GRM7: variants seen among roughly 807,000 people sequenced by gnomAD.
The protein encoded by GRM7 is metabotropic glutamate receptor 7.
Under a neutral mutation model 84.5 loss-of-function variants are expected in GRM7, and 35 were observed. That is an observed-to-expected ratio of 0.41 (90% confidence interval 0.32 to 0.55). The LOEUF (loss-of-function observed/expected upper bound fraction) is 0.55, where lower values mean the gene tolerates loss of function less well. GRM7 is among the 20% of genes least tolerant of loss of function. The pLI, the probability that GRM7 is intolerant of heterozygous loss-of-function variation, is 0.19. For synonymous variants in GRM7, 487 were observed against 455.1 expected (o/e 1.07, Z -0.89); for missense variants, 1,003 against 1,194.6 (o/e 0.84, Z 2.36).
intron 7 of GRM7, among the ~76,000 whole-genome samples, chr3:7,523,952 T>C (rs1700695028): frequency 6.6e-6 from 1 of 152,102 alleles, no homozygotes; most frequent in African/African-American, 2.4e-5. Context: ...TTAATGCTTT[T>C]TCAAGGTAAT....
chr3:7,097,009 TA>T (rs1240422854), intron 1 of GRM7, among the ~76,000 whole-genome samples: 5 of 152,166 alleles, frequency 3.3e-5, no homozygotes, highest in Non-Finnish European at 5.9e-5. Context: ...AGCTGATTAA[TA>T]ATAAACACAA....
At chr3:7,510,288 A>G (rs76161207) in intron 7 of GRM7, among the ~76,000 whole-genome samples, 12,692 of 152,154 alleles carry the variant, frequency 0.083, 724 homozygotes, top group South Asian at 0.12. Context: ...TCCCCAGAGA[A>G]CATTCTGTAT....
At chr3:7,358,257 T>C (rs1693496014) in intron 4 of GRM7, among the ~76,000 whole-genome samples, 1 of 152,066 alleles carries the variant, frequency 6.6e-6, no homozygotes, top group Admixed American at 6.6e-5. Flanking sequence ...GTCCAAGTTA[T>C]GGTAAGGCAA....
chr3:7,402,577 C>T (rs1168337767), intron 4 of GRM7, among the ~76,000 whole-genome samples: 1 of 152,104 alleles, frequency 6.6e-6, no homozygotes, highest in Admixed American at 6.6e-5. Flanking sequence ...AAATAACATA[C>T]ATCAAAATAG....
At chr3:7,474,334 AT>A (rs1453112238) in intron 7 of GRM7, among the ~76,000 whole-genome samples, 2 of 151,946 alleles carry the variant, frequency 1.3e-5, no homozygotes, top group African/African-American at 4.8e-5. Context: ...CCCCTACCCT[AT>A]ACCCTGTCCT....
intron 4 of GRM7, among the ~76,000 whole-genome samples, chr3:7,336,868 C>A (rs760909836): frequency 2.0e-5 from 3 of 151,756 alleles, no homozygotes; most frequent in Non-Finnish European, 4.4e-5. Context: ...AGGAAAACTA[C>A]AAAACACTGC....
rs550323701 is a variant in GRM7 at position 7,261,974 on chromosome 3, C to A, written c.737-36710C>A. On this transcript the variant is annotated intron_variant, in intron 2 of 9. Coordinates refer to ENST00000357716, the MANE Select transcript of GRM7 (RefSeq NM_000844.4). The stretch of plus-strand genomic sequence containing the variant: ...TCTTTGTTTTCTTTCTTCTTTCTTT[C>A]GTTCTTTCCTGAATATAGGCCCCCA... Among the ~76,000 whole-genome samples the A allele has an allele frequency of 4.4e-5, 4 of 90,608 alleles. No homozygotes were observed. The East Asian group carries it at 1.5e-3, about 33-fold the overall frequency. 59.4% of individuals were successfully genotyped at this position (90,608 alleles called of 152,430 possible). A position where few individuals can be genotyped will look rare whatever the true frequency, so the allele number is the denominator to read the frequency against.
chr3:6,877,284 A>G (rs1695344370), intron 1 of GRM7, among the ~76,000 whole-genome samples: 1 of 152,162 alleles, frequency 6.6e-6, no homozygotes. Flanking sequence ...CCACAGTGTC[A>G]AAACCAAGAC....
intron 8 of GRM7, among the ~76,000 whole-genome samples, chr3:7,633,893 C>T (rs946532928): frequency 1.3e-5 from 2 of 152,106 alleles, no homozygotes; most frequent in South Asian, 2.1e-4. Context: ...TTTTCTTAAC[C>T]TTGACCTTGG....
At chr3:7,211,865 C>G (rs77692438) in intron 2 of GRM7, among the ~76,000 whole-genome samples, 1,887 of 152,118 alleles carry the variant, frequency 0.012, 43 homozygotes, top group African/African-American at 0.043. Flanking sequence ...TCTCAGCCAC[C>G]TTCATTAAAA....
intron 1 of GRM7, among the ~76,000 whole-genome samples, chr3:6,949,134 C>A (rs1258473729): frequency 6.6e-6 from 1 of 152,136 alleles, no homozygotes; most frequent in African/African-American, 2.4e-5. Context: ...TTAGTTGATG[C>A]AGTTTATTCC....
At chr3:7,302,991 AG>A (rs199740995) in intron 3 of GRM7, among the ~76,000 whole-genome samples, 4,913 of 138,786 alleles carry the variant, frequency 0.035, 272 homozygotes, top group African/African-American at 0.13. Context: ...CCCAGGCTGG[AG>A]TGCAGTGGCG....
chr3:7,383,580 A>G (rs988665153), intron 4 of GRM7, among the ~76,000 whole-genome samples: 5 of 152,214 alleles, frequency 3.3e-5, no homozygotes, highest in African/African-American at 1.2e-4. Flanking sequence ...GATGCCCTAA[A>G]GACTAACAAA....
intron 4 of GRM7, among the ~76,000 whole-genome samples, chr3:7,397,888 G>A (rs1005237951): frequency 6.6e-6 from 1 of 152,048 alleles, no homozygotes; most frequent in African/African-American, 2.4e-5. Flanking sequence ...CCCCAGAACA[G>A]AGTTTTCTGG....
intron 4 of GRM7, among the ~76,000 whole-genome samples, chr3:7,320,875 C>A (rs1700754424): frequency 6.6e-6 from 1 of 151,926 alleles, no homozygotes; most frequent in Admixed American, 6.6e-5. Context: ...TATGAGGGCT[C>A]TGTAGATGTA....
chr3:6,877,426 C>T (rs892652270), intron 1 of GRM7, among the ~76,000 whole-genome samples: 7 of 152,202 alleles, frequency 4.6e-5, no homozygotes, highest in South Asian at 2.1e-4. Flanking sequence ...TCATGGACTT[C>T]ATGGTTCTAT....
intron 8 of GRM7, among the ~76,000 whole-genome samples, chr3:7,581,512 CAA>C (rs923384626): frequency 6.6e-5 from 10 of 152,062 alleles, no homozygotes; most frequent in Admixed American, 5.9e-4. Flanking sequence ...CATGAACAAC[CAA>C]TGAGAAAATA....
At chr3:7,043,842 A>G (rs1225435110) in intron 1 of GRM7, among the ~76,000 whole-genome samples, 2 of 152,068 alleles carry the variant, frequency 1.3e-5, no homozygotes, top group Non-Finnish European at 2.9e-5. Flanking sequence ...TTGACTTCCT[A>G]CCCAGCACCC....
chr3:7,371,544 G>C (rs1481372254), intron 4 of GRM7, among the ~76,000 whole-genome samples: 2 of 152,140 alleles, frequency 1.3e-5, no homozygotes, highest in African/African-American at 2.4e-5. Context: ...AATAATTCTT[G>C]ATTGTTTATA....
Sources: allele counts gnomAD v4.1 joint callset (sites outside exome capture counted in the v4.1 genomes callset), GRCh38; gene constraint gnomAD v4.1.1; transcripts MANE v1.5; gene names NCBI Gene and HGNC (gene_info 2026-07-23, HGNC 2026-07-21).